The following WWOX variants were observed in gnomAD, a reference collection of about 807,000 sequenced individuals.
WWOX encodes WW domain containing oxidoreductase, also known as WW domain-containing oxidoreductase.
Under a neutral mutation model 46.2 loss-of-function variants are expected in WWOX, and 69 were observed. That is an observed-to-expected ratio of 1.49 (90% CI 1.23 to 1.82). WWOX has a LOEUF of 1.82. Ranked by LOEUF, WWOX falls within the 40% of genes most tolerant of loss-of-function variation. WWOX has a pLI of 0.00. For synonymous variants in WWOX, 359 were observed against 202.6 expected, an observed-to-expected ratio of 1.77 and a Z score of -6.56; for missense variants, 919 against 542.6, an observed-to-expected ratio of 1.69 and a Z score of -6.89.
At chr16:79,057,130 C>T (rs2048277895) in intron 8 of WWOX, among the ~76,000 whole-genome samples, 2 of 152,298 alleles carry the variant, frequency 1.3e-5, no homozygotes, top group African/African-American at 2.4e-5. Context: ...AGTGCTAGCG[C>T]AGGTTCTCTA....
intron 8 of WWOX, among the ~76,000 whole-genome samples, chr16:78,900,435 G>A (rs578095586): frequency 2.0e-5 from 3 of 152,222 alleles, no homozygotes; most frequent in Non-Finnish European, 4.4e-5. Context: ...CCTTAAAAAT[G>A]AGACTTTCTG....
intron 8 of WWOX, among the ~76,000 whole-genome samples, chr16:78,956,234 C>T (rs374684712): frequency 6.6e-6 from 1 of 152,158 alleles, no homozygotes. Context: ...TAGCCTTGAC[C>T]TCGAGGGCTC....
chr16:78,351,757 A>G (rs1247451575), intron 5 of WWOX, among the ~76,000 whole-genome samples: 1 of 152,118 alleles, frequency 6.6e-6, no homozygotes, highest in African/African-American at 2.4e-5. Context: ...CCCAGGTTCA[A>G]GCGATTCTCC....
At chr16:78,703,421 G>A (rs2048266439) in intron 8 of WWOX, among the ~76,000 whole-genome samples, 1 of 151,514 alleles carries the variant, frequency 6.6e-6, no homozygotes, top group South Asian at 2.1e-4. Flanking sequence ...TTCAAGACCA[G>A]TGTGGGTAAC....
intron 8 of WWOX, among the ~76,000 whole-genome samples, chr16:78,599,049 T>C (rs1170912687): frequency 6.6e-5 from 10 of 152,148 alleles, no homozygotes; most frequent in African/African-American, 1.9e-4. Flanking sequence ...AACTGGACTT[T>C]GGGGCTCACA....
At chr16:78,710,088 C>T (rs975997199) in intron 8 of WWOX, among the ~76,000 whole-genome samples, 2 of 151,918 alleles carry the variant, frequency 1.3e-5, no homozygotes, top group Non-Finnish European at 1.5e-5. Context: ...TCTGCTATTT[C>T]GTGTGTTTCT....
chr16:78,333,669 A>G (rs1256059325), intron 5 of WWOX, among the ~76,000 whole-genome samples: 1 of 152,188 alleles, frequency 6.6e-6, no homozygotes, highest in Non-Finnish European at 1.5e-5. Flanking sequence ...TACATACTTC[A>G]TAAGCAGGAG....
intron 8 of WWOX, among the ~76,000 whole-genome samples, chr16:78,772,316 G>A (rs114590258): frequency 0.014 from 2,092 of 152,252 alleles, 48 homozygotes; most frequent in African/African-American, 0.048. Context: ...TCCTGCATTA[G>A]TTTGCTGAGG....
At position 78,681,266 on chromosome 16, in the gene WWOX, G is replaced by A. The variant is rs59488196; in HGVS notation, c.1056+248514G>A. ...AAATAAATAAATAAATAAGCTGGAC[G>A]TGGTGGCATGTGCCTATGGTCCCAG... On this transcript the variant is annotated intron_variant, in intron 8 of 8. Coordinates refer to ENST00000566780, the MANE Select transcript of WWOX (RefSeq NM_016373.4). Among the ~76,000 whole-genome samples the A allele has an allele frequency of 8.9e-3, 1,353 of 152,142 alleles. 22 individuals carry two copies. Among genetic ancestry groups the A allele is most frequent in the African/African-American group, 0.03 (1,249 of 41,504 alleles).
At chr16:79,089,627 G>A (rs1033718023) in intron 8 of WWOX, among the ~76,000 whole-genome samples, 5 of 152,150 alleles carry the variant, frequency 3.3e-5, no homozygotes, top group Non-Finnish European at 4.4e-5. Context: ...ACCACGCCCT[G>A]CTAAGGTGGC....
chr16:78,442,919 G>A (rs1272430842), intron 8 of WWOX, among the ~76,000 whole-genome samples: 1 of 152,040 alleles, frequency 6.6e-6, no homozygotes, highest in Non-Finnish European at 1.5e-5. Flanking sequence ...TCAGGAGATT[G>A]AGACCATCCT....
intron 8 of WWOX, among the ~76,000 whole-genome samples, chr16:78,472,465 T>C (rs2084247278): frequency 6.6e-6 from 1 of 152,202 alleles, no homozygotes. Flanking sequence ...CTTGCTTTTC[T>C]CTAAAGTATA....
At chr16:78,417,210 C>G (rs1454501985) in intron 6 of WWOX, among the ~76,000 whole-genome samples, 4 of 152,114 alleles carry the variant, frequency 2.6e-5, no homozygotes, top group African/African-American at 4.8e-5. Flanking sequence ...GTAGCTGAGA[C>G]TACAGGTGCA....
intron 4 of WWOX, among the ~76,000 whole-genome samples, chr16:78,129,215 G>C (rs1246964296): frequency 6.6e-6 from 1 of 152,100 alleles, no homozygotes; most frequent in Non-Finnish European, 1.5e-5. Flanking sequence ...GAGGGATTTG[G>C]GAAAGCTAGT....
chr16:78,529,799 A>T (rs575767234), intron 8 of WWOX, among the ~76,000 whole-genome samples: 1 of 152,256 alleles, frequency 6.6e-6, no homozygotes, highest in South Asian at 2.1e-4. Context: ...ACTATTAAAT[A>T]CCTAGGATTA....
chr16:79,077,879 T>C (rs1438543995), intron 8 of WWOX: 1 of 152,178 alleles, frequency 6.6e-6, no homozygotes, highest in Non-Finnish European at 1.5e-5. Context: ...TCGTTCTTCT[T>C]ACTCAACTCT....
At chr16:79,158,435 C>G (rs1331612668) in intron 8 of WWOX, among the ~76,000 whole-genome samples, 1 of 152,202 alleles carries the variant, frequency 6.6e-6, no homozygotes, top group African/African-American at 2.4e-5. Flanking sequence ...TAGATGGAAT[C>G]ACCCAGCGGA....
chr16:78,957,306 T>C (rs1230346520), intron 8 of WWOX, among the ~76,000 whole-genome samples: 1 of 152,250 alleles, frequency 6.6e-6, no homozygotes, highest in East Asian at 1.9e-4. Context: ...TGAGAAAACT[T>C]AGCATCTAAT....
At chr16:78,729,770 C>T (rs2048924436) in intron 8 of WWOX, among the ~76,000 whole-genome samples, 1 of 152,186 alleles carries the variant, frequency 6.6e-6, no homozygotes, top group Non-Finnish European at 1.5e-5. Context: ...TGCTTGAAGT[C>T]CCTCAGCTGC....
Sources: allele counts gnomAD v4.1 joint callset (sites outside exome capture counted in the v4.1 genomes callset), GRCh38; gene constraint gnomAD v4.1.1; transcripts MANE v1.5; gene names NCBI Gene and HGNC (gene_info 2026-07-23, HGNC 2026-07-21).